The following BSN variants were observed in gnomAD, a reference collection of about 807,000 sequenced individuals.
BSN encodes protein bassoon.
Under a neutral mutation model 264.8 loss-of-function variants are expected in BSN, and 57 were observed. That is an observed-to-expected ratio of 0.22 (90% CI 0.17 to 0.27). BSN has a LOEUF of 0.27. Among genes scored for constraint, BSN ranks in the 10% least tolerant of loss-of-function variants. BSN has a pLI of 1.00. For missense variants in BSN, 4,615 were observed against 5,232.5 expected, an observed-to-expected ratio of 0.88 and a Z score of 3.64; for synonymous variants, 2,059 against 2,137.3, an observed-to-expected ratio of 0.96 and a Z score of 1.01.
At chr3:49,616,510 C>T (rs1306925946) in intron 1 of BSN, among the ~76,000 whole-genome samples, 1 of 152,234 alleles carries the variant, frequency 6.6e-6, no homozygotes, top group Non-Finnish European at 1.5e-5. Context: ...TTTAAGTTCA[C>T]TCCCCTCCTG....
intron 2 of BSN, among the ~76,000 whole-genome samples, chr3:49,636,819 G>A (rs2052423694): frequency 6.6e-6 from 1 of 152,236 alleles, no homozygotes; most frequent in Non-Finnish European, 1.5e-5. Flanking sequence ...GATGGGGCAG[G>A]CAACATGTCT....
rs377227997 is a variant in BSN at position 49,650,852 on chromosome 3, A to C, written c.1759A>C (p.Ser587Arg). ...GGCCAGCCCTCTGCCCAGCAAGGCC[A>C]GCCCCCAGGCCAAGCCCCTCAGGGC... ...TKASPLPSKA[S>R]PQAKPLRASE... Residue 587 changes from serine (S) to arginine (R), a missense_variant, in exon 4 of 12, where the codon AGC becomes CGC. This residue lies in a region of BSN where 1,197 missense variants were observed against 1,348.0 expected (regional missense o/e 0.89). Coordinates refer to ENST00000296452, the MANE Select transcript of BSN (RefSeq NM_003458.4). 1.9e-6 allele frequency: 3 copies of C among 1,614,072 alleles called. No individual in the cohort carries two copies. In the African/African-American group the frequency reaches 4.0e-5, roughly 22 times the overall value.
chr3:49,617,283 T>TTATATATATATATATATATATTTATATA (rs2052267179), intron 1 of BSN, among the ~76,000 whole-genome samples: 3 of 122,086 alleles, frequency 2.5e-5, no homozygotes, highest in African/African-American at 3.1e-5. Flanking sequence ...ATAAAATACA[T>TTATATATATATATATATATATTTATATA]TATATATATA....
At position 49,656,484 on chromosome 3, in the gene BSN, C is replaced by G. The variant is rs950884242; in HGVS notation, c.6928C>G (p.Pro2310Ala). 1.9e-6 allele frequency: 3 copies of G among 1,595,664 alleles called. No individual in the cohort carries two copies. In the Admixed American group the frequency reaches 5.1e-5, roughly 27 times the overall value. ...EMPVGAAREE[P>A]LPTTTPAAIK... ...GCCAGTAGGGGCTGCACGGGAAGAG[C>G]CTCTTCCCACAACCACCCCTGCTGC... Residue 2310 changes from proline (P) to alanine (A), a missense_variant, in exon 5 of 12, where the codon CCT (proline) becomes GCT (alanine). Pro to Ala is a conservative substitution (Grantham distance 27). Transcript: ENST00000296452.
chr3:49,579,238 C>T (rs2051874081), intron 1 of BSN, among the ~76,000 whole-genome samples: 1 of 151,496 alleles, frequency 6.6e-6, no homozygotes, highest in Non-Finnish European at 1.5e-5. Flanking sequence ...ATCCTCCTGT[C>T]TCAGGCACCC....
At chr3:49,643,670 T>G (rs1431292371) in intron 3 of BSN, among the ~76,000 whole-genome samples, 2 of 152,200 alleles carry the variant, frequency 1.3e-5, no homozygotes, top group African/African-American at 2.4e-5. Flanking sequence ...TCAACCTTGA[T>G]TGTCTCTTCT....
chr3:49,625,239 C>T lies in BSN; in HGVS notation c.489C>T (p.Pro163=), dbSNP rs751275935. 9 of 1,594,970 alleles carry T rather than the reference C, an allele frequency of 5.6e-6. No individual in the cohort carries two copies. Among genetic ancestry groups the T allele is most frequent in the Non-Finnish European group, 7.7e-6 (9 of 1,171,376 alleles). Residue 163 remains proline, a synonymous_variant, in exon 2 of 12, where the codon CCC becomes CCT. Coordinates refer to ENST00000296452, the MANE Select transcript of BSN (RefSeq NM_003458.4). This position sits in a 1 kb window ranked among gnomAD's most constrained non-coding sequence, Gnocchi z 4.4. ...TSPYSVPQIA[P]LPSSTLCPIC... The stretch of plus-strand genomic sequence containing the variant: ...CCTACTCCGTCCCTCAGATCGCCCC[C>T]CTTCCCAGCAGCACGCTGTGTCCCA...
intron 1 of BSN, among the ~76,000 whole-genome samples, chr3:49,600,907 G>T: frequency 6.6e-6 from 1 of 152,172 alleles, no homozygotes; most frequent in Middle Eastern, 3.2e-3. Flanking sequence ...GCATGGAGGA[G>T]GGGAGCCTGT....
chr3:49,556,864 A>G (rs556622653), intron 1 of BSN, among the ~76,000 whole-genome samples: 12 of 152,356 alleles, frequency 7.9e-5, no homozygotes, highest in African/African-American at 2.9e-4. Flanking sequence ...CATTAGCACA[A>G]AGACATATTT....
At chr3:49,644,939 G>A (rs532006347) in intron 3 of BSN, among the ~76,000 whole-genome samples, 1 of 152,348 alleles carries the variant, frequency 6.6e-6, no homozygotes, top group East Asian at 1.9e-4. Flanking sequence ...TCGTTCACAC[G>A]CTGACTAGAT....
intron 1 of BSN, among the ~76,000 whole-genome samples, chr3:49,572,024 C>T (rs2051800574): frequency 6.6e-6 from 1 of 152,144 alleles, no homozygotes; most frequent in East Asian, 1.9e-4. Flanking sequence ...TCAGAGTCTG[C>T]GCAGGCTCTG....
At chr3:49,659,363 A>T (rs1204443976) in intron 5 of BSN, among the ~76,000 whole-genome samples, 1 of 152,160 alleles carries the variant, frequency 6.6e-6, no homozygotes, top group Non-Finnish European at 1.5e-5. Context: ...GCGTGGCCAA[A>T]ATAAGAAAAG....
chr3:49,617,306 T>C (rs1465954536), intron 1 of BSN, among the ~76,000 whole-genome samples: 1 of 143,796 alleles, frequency 7.0e-6, no homozygotes, highest in Non-Finnish European at 1.5e-5. Flanking sequence ...TATATATATA[T>C]ATATATATAT....
intron 1 of BSN, among the ~76,000 whole-genome samples, chr3:49,565,093 A>G (rs2051742144): frequency 6.7e-6 from 1 of 149,434 alleles, no homozygotes; most frequent in Non-Finnish European, 1.5e-5. Context: ...CATTTTGCCA[A>G]CTTGTTTTAT....
In BSN at chr3:49,652,482, C is replaced by T. The variant is rs538644485; in HGVS notation, c.2926C>T (p.Arg976Cys). ...SLTGSPEDRS[R>C]GEHSSTLPAS... is the part of the protein sequence containing the mutation. Reference sequence around the variant, plus strand: ...AACGGGCTCCCCTGAGGACCGCTCCCGTGGTGAGCACTCCTCTACATTGCC... The same window carrying T: ...AACGGGCTCCCCTGAGGACCGCTCCTGTGGTGAGCACTCCTCTACATTGCC... The change falls in exon 5 of 12, where the codon CGT becomes TGT. Residue 976 changes from arginine to cysteine, a missense_variant. By Grantham distance (180) the Arg-to-Cys change is radical. Around this residue, in one of 3 missense-constraint regions of BSN, gnomAD observed 1,197 missense variants for 1,348.0 expected, o/e 0.89. Transcript: ENST00000296452. 1.2e-5 allele frequency: 20 copies of T among 1,613,690 alleles called. 1 individual carries two copies. In the South Asian group the frequency reaches 1.5e-4, roughly 12 times the overall value.
rs1300489360 is a variant in BSN at position 49,664,480 on chromosome 3, G to A, written c.11666G>A (p.Gly3889Asp). ...CCAGGGGCTCCCGCCGGCCAGCCAG[G>A]TGCCGATGGGGAGAGCGTGTTCTCC... ...GTPGAPAGQP[G>D]ADGESVFSKI... is the part of the protein sequence containing the mutation. The change falls in exon 9 of 12, where the codon GGT becomes GAT. Residue 3889 changes from glycine to aspartate, a missense_variant. Physicochemically the swap from Gly to Asp is moderately conservative, Grantham distance 94 (BLOSUM62 -1). Around this residue, in one of 3 missense-constraint regions of BSN, gnomAD observed 3,415 missense variants for 3,866.4 expected, o/e 0.88. Coordinates refer to ENST00000296452, the MANE Select transcript of BSN (RefSeq NM_003458.4). 6.2e-7 allele frequency: 1 copy of A among 1,613,380 alleles called. No homozygotes were observed. Among genetic ancestry groups the A allele is most frequent in the African/African-American group, 1.3e-5 (1 of 74,918 alleles).
chr3:49,641,798 T>C (rs1409519012), intron 2 of BSN: 1 of 154,910 alleles, frequency 6.5e-6, no homozygotes, highest in African/African-American at 2.4e-5. Flanking sequence ...GAGTTTTTAC[T>C]GAATACCCAT....
intron 1 of BSN, among the ~76,000 whole-genome samples, chr3:49,556,784 C>T (rs1447623818): frequency 6.6e-6 from 1 of 152,222 alleles, no homozygotes; most frequent in Non-Finnish European, 1.5e-5. Context: ...TTCTAAGATG[C>T]TGCTGAACAG....
Position 49,651,842 on chromosome 3 carries a change from C to T in BSN, c.2286C>T (p.His762=). The T allele has an allele frequency of 6.2e-7, 1 of 1,613,950 alleles. No homozygotes were observed. The highest frequency in any genetic ancestry group is 8.5e-7 in the Non-Finnish European group (1 of 1,180,032). Residue 762 remains histidine (H), a synonymous_variant, in exon 5 of 12, where the codon CAC becomes CAT. Coordinates refer to ENST00000296452, the MANE Select transcript of BSN (RefSeq NM_003458.4). This position sits in a 1 kb window ranked among gnomAD's most constrained non-coding sequence, Gnocchi z 5.4. ...GCGAGGAGCAGAAGCAGCGGCCCCA[C>T]TCCTTGTCCATCACGCCTGAGGCCT... The part of the protein sequence containing the change: ...GTGEEQKQRP[H]SLSITPEAFD...
Sources: gnomAD v4.1 joint callset for allele counts (sites outside exome capture counted in the v4.1 genomes callset) on GRCh38, gnomAD v4.1.1 for gene constraint, gnomAD v4.1.1 regional missense constraint, Gnocchi (gnomAD v3.1) non-coding constraint, MANE v1.5 for transcripts, NCBI Gene and HGNC (gene_info 2026-07-23, HGNC 2026-07-21) for gene names.